Variants in TASP1 observed in about 807,000 individuals in gnomAD.
TASP1 encodes the protein threonine aspartase 1.
TASP1 carries 16 observed loss-of-function variants against 56.6 expected under a neutral mutation model. That is an observed-to-expected ratio of 0.28 (90% confidence interval 0.19 to 0.43). The LOEUF is 0.43. Among genes scored for constraint, TASP1 ranks in the 20% least tolerant of loss-of-function variants. The probability of loss-of-function intolerance (pLI) is 1.00; values close to 1 mark genes in which losing one functional copy is unlikely to be tolerated. For missense variants in TASP1, 393 were observed against 511.6 expected (o/e 0.77, Z 2.24); for synonymous variants, 179 against 184.2 (o/e 0.97, Z 0.23).
At chr20:13,456,162 C>T (rs1373739589) in intron 11 of TASP1, among the ~76,000 whole-genome samples, 1 of 152,110 alleles carries the variant, frequency 6.6e-6, no homozygotes, top group East Asian at 1.9e-4. Flanking sequence ...AAAAACATAC[C>T]AGTCAAGAGC....
At chr20:13,386,068 G>A (rs905768189), downstream of TASP1, among the ~76,000 whole-genome samples, 1 of 152,216 alleles carries the variant, frequency 6.6e-6, no homozygotes, top group African/African-American at 2.4e-5. Context: ...GTATGCACCT[G>A]CAGCCTGAAA....
chr20:13,357,982 A>G, the TASP1 span, among the ~76,000 whole-genome samples: 6 of 152,184 alleles, frequency 3.9e-5, no homozygotes, highest in Non-Finnish European at 8.8e-5. Context: ...AGAAGTGAAT[A>G]GGCCCTGCCG....
At chr20:13,313,564 T>G in the TASP1 span, among the ~76,000 whole-genome samples, 1 of 152,198 alleles carries the variant, frequency 6.6e-6, no homozygotes, top group Non-Finnish European at 1.5e-5. Context: ...CTGAGCCTAT[T>G]CGGGCTCGGG....
At chr20:13,250,217 A>G in the TASP1 span, among the ~76,000 whole-genome samples, 2 of 152,154 alleles carry the variant, frequency 1.3e-5, no homozygotes, top group Middle Eastern at 3.2e-3. Flanking sequence ...TAGGTTTCAA[A>G]TATTTTATAC....
the TASP1 span, among the ~76,000 whole-genome samples, chr20:13,260,748 A>T: frequency 6.6e-6 from 1 of 152,210 alleles, no homozygotes; most frequent in Non-Finnish European, 1.5e-5. Flanking sequence ...TTCACAGAAT[A>T]AATAACCAAG....
the TASP1 span, chr20:13,299,595 A>G: frequency 1.2e-6 from 1 of 861,530 alleles, no homozygotes. The surrounding 1 kb of genome is among the most constrained non-coding windows in gnomAD (Gnocchi z 5.8). Flanking sequence ...TATTTCTCAT[A>G]CATTACGCTA....
chr20:13,625,216 T>C lies in TASP1; in HGVS notation c.182A>G (p.Tyr61Cys). Residue 61 changes from tyrosine (Y) to cysteine (C), a missense_variant, in exon 3 of 14, where the codon TAT becomes TGT. By Grantham distance (194) the Tyr-to-Cys change is radical (BLOSUM62 -2). Transcript: ENST00000337743. ...GYHSESKAKEYKHVCKRACQK... is the reference protein window; with the variant it reads ...GYHSESKAKECKHVCKRACQK... ...ACAAGCTCGTTTGCATACATGTTTA[T>C]ACTCCTTGGCTTTGGATTCAGAATG... 1 of 1,612,012 alleles carries C rather than the reference T, an allele frequency of 6.2e-7. No individual in the cohort carries two copies. Among genetic ancestry groups the C allele is most frequent in the Non-Finnish European group, 8.5e-7 (1 of 1,179,308 alleles).
chr20:13,445,874 A>T (rs2043391937), intron 11 of TASP1, among the ~76,000 whole-genome samples: 1 of 152,174 alleles, frequency 6.6e-6, no homozygotes, highest in South Asian at 2.1e-4. Context: ...GCATATTAAT[A>T]CTAAACTAGA....
chr20:13,554,562 T>A (rs1481511394), intron 8 of TASP1, among the ~76,000 whole-genome samples: 1 of 152,182 alleles, frequency 6.6e-6, no homozygotes, highest in Non-Finnish European at 1.5e-5. Context: ...TTATCTAGTT[T>A]TTTTTTCACA....
chr20:13,322,663 C>G, the TASP1 span, among the ~76,000 whole-genome samples: 1 of 152,202 alleles, frequency 6.6e-6, no homozygotes, highest in African/African-American at 2.4e-5. Flanking sequence ...TACAGACAGA[C>G]AGACTTTGAG....
At chr20:13,329,769 T>C in the TASP1 span, among the ~76,000 whole-genome samples, 1 of 152,112 alleles carries the variant, frequency 6.6e-6, no homozygotes, top group African/African-American at 2.4e-5. Flanking sequence ...ATTTCTTATT[T>C]TTGCAATTAC....
chr20:13,582,310 T>C (rs1385692213), intron 5 of TASP1, among the ~76,000 whole-genome samples: 9 of 151,944 alleles, frequency 5.9e-5, no homozygotes, highest in Non-Finnish European at 8.8e-5. Flanking sequence ...ATTAACAATT[T>C]ATGTTATAAA....
chr20:13,321,642 T>G, the TASP1 span, among the ~76,000 whole-genome samples: 1 of 152,224 alleles, frequency 6.6e-6, no homozygotes, highest in Non-Finnish European at 1.5e-5. Context: ...GCCCAGGGCC[T>G]GGCACACACA....
the TASP1 span, among the ~76,000 whole-genome samples, chr20:13,363,750 T>C: frequency 1.3e-5 from 2 of 152,230 alleles, no homozygotes; most frequent in African/African-American, 4.8e-5. Context: ...GGACACCTAG[T>C]TAATGTCCAA....
the TASP1 span, among the ~76,000 whole-genome samples, chr20:13,373,059 A>T: frequency 6.6e-6 from 1 of 151,954 alleles, no homozygotes; most frequent in African/African-American, 2.4e-5. Context: ...GTAGGTATTT[A>T]TTTGTAGCAT....
chr20:13,585,166 A>G (rs914089753), intron 5 of TASP1, among the ~76,000 whole-genome samples: 1 of 152,196 alleles, frequency 6.6e-6, no homozygotes, highest in Non-Finnish European at 1.5e-5. Flanking sequence ...TGAGGAAAAA[A>G]TAAATAAATG....
At chr20:13,463,756 T>TGG (rs2044146678) in intron 11 of TASP1, among the ~76,000 whole-genome samples, 1 of 152,100 alleles carries the variant, frequency 6.6e-6, no homozygotes, top group Non-Finnish European at 1.5e-5. Context: ...AGATGCTTAA[T>TGG]GTCACTAATT....
intron 13 of TASP1, among the ~76,000 whole-genome samples, chr20:13,397,645 A>G (rs2041590816): frequency 6.6e-6 from 1 of 152,202 alleles, no homozygotes; most frequent in Non-Finnish European, 1.5e-5. Flanking sequence ...CAGGAAAGCT[A>G]CTGGAACAAA....
intron 1 of TASP1, 74 bp downstream of exon 1, chr20:13,638,820 A>G (rs1470211435): frequency 1.3e-5 from 2 of 152,592 alleles, no homozygotes; most frequent in Non-Finnish European, 2.9e-5. Context: ...CAGCTAGCGT[A>G]CGGGGCCCAC....
Sources: gnomAD v4.1 joint callset for allele counts (sites outside exome capture counted in the v4.1 genomes callset) on GRCh38, gnomAD v4.1.1 for gene constraint, Gnocchi (gnomAD v3.1) non-coding constraint, MANE v1.5 for transcripts, NCBI Gene and HGNC (gene_info 2026-07-23, HGNC 2026-07-21) for gene names.